The following MPZL1 variants were observed in gnomAD, a reference collection of about 807,000 sequenced individuals.
MPZL1 encodes the protein myelin protein zero like 1.
In MPZL1, 16 loss-of-function variants were observed where a neutral mutation model predicts 29.3. The observed-to-expected ratio is 0.55, with a 90% CI of 0.37 to 0.83. The LOEUF (loss-of-function observed/expected upper bound fraction) is 0.83, where lower values mean the gene tolerates loss of function less well. Ranked by LOEUF, MPZL1 falls within the 40% of genes least tolerant of loss-of-function variation. MPZL1 has a pLI of 0.00. For missense variants in MPZL1, 279 were observed against 332.9 expected (o/e 0.84, Z 1.26); for synonymous variants, 143 against 132.0 (o/e 1.08, Z -0.57).
intron 1 of MPZL1, among the ~76,000 whole-genome samples, chr1:167,729,939 G>A (rs1399305113): frequency 6.6e-6 from 1 of 152,190 alleles, no homozygotes; most frequent in Non-Finnish European, 1.5e-5. Flanking sequence ...CTAATACATG[G>A]TAGAGTTGAG....
At chr1:167,742,451 T>C (rs1386978964) in intron 1 of MPZL1, among the ~76,000 whole-genome samples, 2 of 152,104 alleles carry the variant, frequency 1.3e-5, no homozygotes, top group Non-Finnish European at 2.9e-5. Context: ...CTTGCCAACT[T>C]TTAAAATAAA....
chr1:167,743,656 C>CTTTT (rs58072209), intron 1 of MPZL1, among the ~76,000 whole-genome samples: 15 of 146,916 alleles, frequency 1.0e-4, no homozygotes, highest in East Asian at 4.1e-4. Context: ...TTTTGTTTTA[C>CTTTT]TTTTTTTGCA....
intron 1 of MPZL1, among the ~76,000 whole-genome samples, chr1:167,753,504 G>A (rs939549770): frequency 6.6e-6 from 1 of 152,172 alleles, no homozygotes; most frequent in African/African-American, 2.4e-5. Context: ...AGTACCCATG[G>A]CTGTAAAAAA....
intron 1 of MPZL1, among the ~76,000 whole-genome samples, chr1:167,738,686 G>A (rs1337753163): frequency 6.8e-6 from 1 of 147,830 alleles, no homozygotes; most frequent in East Asian, 1.9e-4. Context: ...GCGAGATCTG[G>A]TTGTTTAAAA....
chr1:167,722,177 C>A lies in MPZL1; in HGVS notation c.26C>A (p.Ala9Glu). ...ATGGCAGCGTCCGCCGGAGCCGGGG[C>A]GGTGATTGCAGCCCCAGACAGCCGG... MAASAGAG[A>E]VIAAPDSRRW... is the part of the protein sequence containing the mutation. Residue 9 changes from alanine to glutamate, a missense_variant, in exon 1 of 6, where the codon GCG becomes GAG. Transcript: ENST00000359523. 1 of 1,237,532 alleles carries A rather than the reference C, an allele frequency of 8.1e-7. No homozygotes were observed. Among genetic ancestry groups the A allele is most frequent in the East Asian group, 3.2e-5 (1 of 31,640 alleles). The allele number at this position is 1,237,532 out of a possible 1,614,324, so 76.7% of individuals were successfully genotyped here.
At chr1:167,735,268 G>A (rs1248599396) in intron 1 of MPZL1, among the ~76,000 whole-genome samples, 3 of 152,268 alleles carry the variant, frequency 2.0e-5, no homozygotes, top group African/African-American at 4.8e-5. Flanking sequence ...ATACGTGTTT[G>A]ATTAAAAGTA....
chr1:167,735,651 C>A (rs1047352287), intron 1 of MPZL1, among the ~76,000 whole-genome samples: 18 of 152,054 alleles, frequency 1.2e-4, no homozygotes, highest in Non-Finnish European at 2.5e-4. Flanking sequence ...GGCTGGAGAC[C>A]TAGGGAAAAG....
intron 1 of MPZL1, among the ~76,000 whole-genome samples, chr1:167,746,355 T>C (rs1337014886): frequency 6.6e-6 from 1 of 151,318 alleles, no homozygotes; most frequent in Non-Finnish European, 1.5e-5. Flanking sequence ...AGCCAGCCTT[T>C]GAAAGGCTCT....
intron 1 of MPZL1, among the ~76,000 whole-genome samples, chr1:167,760,651 C>G (rs1234771103): frequency 1.3e-5 from 2 of 151,670 alleles, no homozygotes; most frequent in Non-Finnish European, 2.9e-5. Context: ...TGGAGAAGAC[C>G]ATGGAAAGGA....
chr1:167,747,493 G>C (rs912715632), intron 1 of MPZL1, among the ~76,000 whole-genome samples: 2 of 152,212 alleles, frequency 1.3e-5, no homozygotes, highest in African/African-American at 4.8e-5. Context: ...CCGAAGTGCT[G>C]AATGAACCAC....
chr1:167,743,295 C>T (rs1305151359), intron 1 of MPZL1, among the ~76,000 whole-genome samples: 3 of 151,906 alleles, frequency 2.0e-5, no homozygotes, highest in African/African-American at 7.2e-5. Flanking sequence ...ACTGCAACCT[C>T]TGCCTCCTGG....
chr1:167,723,161 A>G (rs1391382213), intron 1 of MPZL1, among the ~76,000 whole-genome samples: 1 of 152,234 alleles, frequency 6.6e-6, no homozygotes, highest in Non-Finnish European at 1.5e-5. Flanking sequence ...TAGTTAAATA[A>G]TAGTTATAAA....
intron 2 of MPZL1, among the ~76,000 whole-genome samples, chr1:167,771,147 G>A (rs1011095555): frequency 2.4e-4 from 37 of 152,012 alleles, no homozygotes; most frequent in African/African-American, 5.1e-4. Context: ...GCGGCCTTCC[G>A]CAGTGTTTGT....
chr1:167,762,862 G>T (rs1365322671), intron 1 of MPZL1, among the ~76,000 whole-genome samples: 2 of 152,196 alleles, frequency 1.3e-5, no homozygotes, highest in African/African-American at 4.8e-5. Context: ...AGAGAAAAGT[G>T]TAGATAGCCA....
intron 1 of MPZL1, among the ~76,000 whole-genome samples, chr1:167,749,132 A>G (rs1243256486): frequency 3.9e-5 from 6 of 152,232 alleles, no homozygotes; most frequent in African/African-American, 7.2e-5. Context: ...AATGACCCCA[A>G]GGAATTCAAG....
In MPZL1 at chr1:167,722,448, C is replaced by T. The variant is rs539146997; in HGVS notation, c.91+206C>T. Among the ~76,000 whole-genome samples the T allele has an allele frequency of 7.9e-5, 12 of 152,332 alleles. No homozygotes were observed. In the East Asian group the frequency reaches 2.3e-3, roughly 29 times the overall value. On this transcript the variant is annotated intron_variant, in intron 1 of 5. Coordinates refer to ENST00000359523, the MANE Select transcript of MPZL1 (RefSeq NM_003953.6). ...GGCCGGGAAGGCGCAGAGCCTCTTT[C>T]TTCTCTTTCCTGGATCCTGGAGTGC...
intron 1 of MPZL1, among the ~76,000 whole-genome samples, chr1:167,739,310 C>CATATATATATATATAT (rs68082264): frequency 9.9e-6 from 1 of 101,374 alleles, no homozygotes; most frequent in African/African-American, 5.0e-5. Context: ...TATATATATA[C>CATATATATATATATAT]ACATATATAT....
rs759035966 is a variant in MPZL1 at position 167,772,445 on chromosome 1, C to T, written c.429C>T (p.Ile143=). Residue 143 remains isoleucine (I), a synonymous_variant, in exon 3 of 6, where the codon ATC becomes ATT. Coordinates refer to ENST00000359523, the MANE Select transcript of MPZL1 (RefSeq NM_003953.6). ...YICDVKNPPD[I]VVQPGHIRLY... is the part of the protein sequence containing the mutation. ...GTGATGTCAAAAACCCTCCTGACAT[C>T]GTTGTCCAGCCTGGACACATTAGGC... The T allele has an allele frequency of 3.7e-5, 60 of 1,614,020 alleles. No homozygotes were observed. The highest frequency in any genetic ancestry group is 3.5e-4 in the Admixed American group (21 of 60,012).
chr1:167,747,957 T>C (rs1476604660), intron 1 of MPZL1, among the ~76,000 whole-genome samples: 1 of 152,206 alleles, frequency 6.6e-6, no homozygotes, highest in Non-Finnish European at 1.5e-5. Flanking sequence ...TATTAGAAAT[T>C]TTATATGGAT....
Sources: allele counts gnomAD v4.1 joint callset (sites outside exome capture counted in the v4.1 genomes callset), GRCh38; gene constraint gnomAD v4.1.1; transcripts MANE v1.5; gene names NCBI Gene and HGNC (gene_info 2026-07-23, HGNC 2026-07-21).